MRAP2: variants seen among roughly 807,000 people sequenced by gnomAD.
MRAP2 encodes melanocortin-2 receptor accessory protein 2.
MRAP2 carries 20 observed loss-of-function variants against 17.4 expected under a neutral mutation model. That is an observed-to-expected ratio of 1.15 (90% CI 0.81 to 1.67). The LOEUF is 1.67. Among genes scored for constraint, MRAP2 ranks in the 40% most tolerant of loss-of-function variants. The pLI, the probability that MRAP2 is intolerant of heterozygous loss-of-function variation, is 0.00. For missense variants in MRAP2, 238 were observed against 240.0 expected, an observed-to-expected ratio of 0.99 and a Z score of 0.05; for synonymous variants, 96 against 88.4, an observed-to-expected ratio of 1.09 and a Z score of -0.48.
At chr6:84,099,867 T>C in the MRAP2 span, among the ~76,000 whole-genome samples, 1 of 152,124 alleles carries the variant, frequency 6.6e-6, no homozygotes, top group Non-Finnish European at 1.5e-5. Context: ...TCTCTCTTTT[T>C]TTTTTTTTTA....
At chr6:84,082,470 C>G (rs1588658958) in intron 3 of MRAP2, among the ~76,000 whole-genome samples, 1 of 152,314 alleles carries the variant, frequency 6.6e-6, no homozygotes, top group East Asian at 1.9e-4. Flanking sequence ...CATTCTTCCT[C>G]TTTCTTAAAT....
chr6:84,046,315 G>A (rs1323559305), intron 1 of MRAP2, among the ~76,000 whole-genome samples: 2 of 152,078 alleles, frequency 1.3e-5, no homozygotes, highest in African/African-American at 2.4e-5. Flanking sequence ...CCCAGAGACT[G>A]GATGGAACCA....
At chr6:84,070,961 T>A (rs1184100889) in intron 3 of MRAP2, among the ~76,000 whole-genome samples, 3 of 152,176 alleles carry the variant, frequency 2.0e-5, no homozygotes, top group Admixed American at 1.3e-4. Context: ...AGTCCTTACA[T>A]GTTAGGTGAG....
At chr6:84,080,967 T>A (rs1317603785) in intron 3 of MRAP2, among the ~76,000 whole-genome samples, 1 of 152,180 alleles carries the variant, frequency 6.6e-6, no homozygotes, top group Non-Finnish European at 1.5e-5. Context: ...TATGTAGTAT[T>A]AGCAATAGCA....
At chr6:84,103,423 A>G in the MRAP2 span, among the ~76,000 whole-genome samples, 1 of 150,624 alleles carries the variant, frequency 6.6e-6, no homozygotes, top group Non-Finnish European at 1.5e-5. Context: ...TCAGGGGGTG[A>G]GCACCTGCCC....
downstream of MRAP2, among the ~76,000 whole-genome samples, chr6:84,095,624 T>C (rs2099502547): frequency 6.6e-6 from 1 of 152,224 alleles, no homozygotes. Context: ...ATACTGTGTA[T>C]GTGAGCTATT....
the MRAP2 span, among the ~76,000 whole-genome samples, chr6:84,116,349 C>A: frequency 6.6e-6 from 1 of 152,114 alleles, no homozygotes; most frequent in Non-Finnish European, 1.5e-5. Flanking sequence ...CTCATGAGAT[C>A]TGATGGTTTT....
chr6:84,076,880 T>A (rs970803696), intron 3 of MRAP2, among the ~76,000 whole-genome samples: 3 of 152,148 alleles, frequency 2.0e-5, no homozygotes, highest in African/African-American at 7.2e-5. Flanking sequence ...GTGTTGTCCC[T>A]CTGCAAATGG....
At chr6:84,109,244 T>A in the MRAP2 span, among the ~76,000 whole-genome samples, 2 of 152,218 alleles carry the variant, frequency 1.3e-5, no homozygotes, top group African/African-American at 2.4e-5. Flanking sequence ...TAGCACTGAA[T>A]CTATACATTG....
chr6:84,121,069 ATTTTTT>A, the MRAP2 span, among the ~76,000 whole-genome samples: 5 of 144,812 alleles, frequency 3.5e-5, no homozygotes, highest in East Asian at 9.8e-4. Context: ...TTACCTTTTT[ATTTTTT>A]AATTTTTTTT....
chr6:84,108,651 T>C, the MRAP2 span, among the ~76,000 whole-genome samples: 1 of 152,234 alleles, frequency 6.6e-6, no homozygotes, highest in Non-Finnish European at 1.5e-5. Flanking sequence ...CTGTGGATAA[T>C]TTCTTTTTCT....
At chr6:84,043,023 A>G (rs2099488055) in intron 1 of MRAP2, among the ~76,000 whole-genome samples, 2 of 151,976 alleles carry the variant, frequency 1.3e-5, no homozygotes, top group South Asian at 4.1e-4. Context: ...GGAGACAGAT[A>G]CCACAAGCCA....
At chr6:84,064,481 T>C (rs552223387) in intron 3 of MRAP2, among the ~76,000 whole-genome samples, 2 of 136,664 alleles carry the variant, frequency 1.5e-5, no homozygotes, top group East Asian at 1.9e-4. Flanking sequence ...ATTTTGGTTT[T>C]GTTTTGTTTT....
chr6:84,142,876 C>T, the MRAP2 span, among the ~76,000 whole-genome samples: 1 of 152,000 alleles, frequency 6.6e-6, no homozygotes, highest in African/African-American at 2.4e-5. Flanking sequence ...GCTTGCCTAA[C>T]CTGCATGTGT....
At chr6:84,126,858 G>C in the MRAP2 span, among the ~76,000 whole-genome samples, 1 of 152,090 alleles carries the variant, frequency 6.6e-6, no homozygotes, top group Non-Finnish European at 1.5e-5. Flanking sequence ...ATTTAAAAAA[G>C]TACATTTAAA....
chr6:84,130,160 T>TATTG, the MRAP2 span, among the ~76,000 whole-genome samples: 2 of 152,222 alleles, frequency 1.3e-5, no homozygotes, highest in African/African-American at 4.8e-5. Context: ...GGATTATGTT[T>TATTG]ATTGATTTGC....
chr6:84,064,127 A>T (rs1562881147), intron 3 of MRAP2, among the ~76,000 whole-genome samples: 2 of 151,638 alleles, frequency 1.3e-5, no homozygotes, highest in Non-Finnish European at 2.9e-5. Context: ...ACGCAGGCTC[A>T]TGCAGGACAG....
intron 1 of MRAP2, among the ~76,000 whole-genome samples, chr6:84,039,663 A>T (rs990579543): frequency 1.3e-5 from 2 of 152,252 alleles, no homozygotes; most frequent in African/African-American, 2.4e-5. Context: ...AAAATTTCAT[A>T]ACCCTTCAAG....
At chr6:84,034,224 T>C (rs1006630592) in intron 1 of MRAP2, among the ~76,000 whole-genome samples, 1 of 151,998 alleles carries the variant, frequency 6.6e-6, no homozygotes, top group African/African-American at 2.4e-5. Flanking sequence ...GGCACACCCT[T>C]TCCCGCTGGT....
Sources: gnomAD v4.1 joint callset for allele counts (sites outside exome capture counted in the v4.1 genomes callset) on GRCh38, gnomAD v4.1.1 for gene constraint, MANE v1.5 for transcripts, NCBI Gene and HGNC (gene_info 2026-07-23, HGNC 2026-07-21) for gene names.